Variants in ZBTB44 observed in about 807,000 individuals in gnomAD.
ZBTB44 encodes zinc finger and BTB domain-containing protein 44.
A neutral mutation model predicts 54.0 loss-of-function variants in ZBTB44; 15 were observed. That is an observed-to-expected ratio of 0.28 (90% CI 0.19 to 0.43). The LOEUF is 0.43. Ranked by LOEUF, ZBTB44 falls within the 20% of genes least tolerant of loss-of-function variation. The pLI, the probability that ZBTB44 is intolerant of heterozygous loss-of-function variation, is 1.00. For missense variants in ZBTB44, 487 were observed against 707.1 expected, an observed-to-expected ratio of 0.69 and a Z score of 3.53; for synonymous variants, 230 against 250.1, an observed-to-expected ratio of 0.92 and a Z score of 0.76.
At chr11:130,256,729 G>T (rs1019684418) in intron 2 of ZBTB44, among the ~76,000 whole-genome samples, 1 of 151,346 alleles carries the variant, frequency 6.6e-6, no homozygotes, top group Non-Finnish European at 1.5e-5. Flanking sequence ...AATAAACTAG[G>T]TATTGATGGA....
At chr11:130,288,563 C>A (rs1592040995) in intron 1 of ZBTB44, among the ~76,000 whole-genome samples, 1 of 151,906 alleles carries the variant, frequency 6.6e-6, no homozygotes, top group African/African-American at 2.4e-5. Flanking sequence ...CAGGAGAGTC[C>A]TCAGACTACA....
chr11:130,283,598 G>A (rs755149650), intron 1 of ZBTB44, among the ~76,000 whole-genome samples: 2 of 152,060 alleles, frequency 1.3e-5, no homozygotes, highest in Non-Finnish European at 2.9e-5. Context: ...ACAATTATAT[G>A]TTCAATCTCA....
In ZBTB44 at chr11:130,314,384, G is replaced by GCGGCGC. The variant is rs1449211835; in HGVS notation, c.-72_-67dup. The stretch of plus-strand genomic sequence containing the variant: ...CTCCCCTCCCCGTTACCTGCGGGCG[G>GCGGCGC]CGGCGCCGGGCCCGGAGGCCTGCTG... On this transcript the variant is annotated 5_prime_UTR_variant, in exon 1 of 8. Transcript: ENST00000357899. 12 of 153,186 alleles carry GCGGCGC rather than the reference G, an allele frequency of 7.8e-5. No homozygotes were observed. Among genetic ancestry groups the GCGGCGC allele is most frequent in the Non-Finnish European group, 1.8e-4 (12 of 68,244 alleles). The allele number at this position is 153,186 out of a possible 1,614,324, so 9.5% of individuals were successfully genotyped here.
chr11:130,311,843 C>G (rs1288166543), intron 1 of ZBTB44, among the ~76,000 whole-genome samples: 2 of 152,144 alleles, frequency 1.3e-5, no homozygotes, highest in Admixed American at 1.3e-4. Context: ...TCAGAAAGCA[C>G]TCCAAGATTA....
At chr11:130,252,395 G>A (rs1045388813) in intron 2 of ZBTB44, among the ~76,000 whole-genome samples, 1 of 152,114 alleles carries the variant, frequency 6.6e-6, no homozygotes, top group Admixed American at 6.5e-5. Flanking sequence ...AAGATATTCA[G>A]GACTTGAACT....
At chr11:130,264,293 G>A (rs962329325) in intron 1 of ZBTB44, among the ~76,000 whole-genome samples, 1 of 152,002 alleles carries the variant, frequency 6.6e-6, no homozygotes, top group African/African-American at 2.4e-5. Flanking sequence ...TTCCTGAAAG[G>A]GCCAGAAACC....
intron 1 of ZBTB44, among the ~76,000 whole-genome samples, chr11:130,298,832 GACACACACACAC>G (rs71061379): frequency 1.3e-5 from 2 of 149,674 alleles, no homozygotes; most frequent in South Asian, 4.3e-4. Context: ...CAGACACCCA[GACACACACACAC>G]ACACACACAC....
intron 5 of ZBTB44, among the ~76,000 whole-genome samples, chr11:130,234,521 A>G (rs945592411): frequency 6.6e-6 from 1 of 152,240 alleles, no homozygotes; most frequent in Non-Finnish European, 1.5e-5. Flanking sequence ...CACTTTCATT[A>G]TAACTCTGGA....
chr11:130,249,180 T>C (rs912561180), intron 2 of ZBTB44, among the ~76,000 whole-genome samples: 1 of 152,126 alleles, frequency 6.6e-6, no homozygotes, highest in African/African-American at 2.4e-5. Context: ...GATGACTATT[T>C]CACATGCCTA....
At chr11:130,308,895 A>C (rs1295551251) in intron 1 of ZBTB44, among the ~76,000 whole-genome samples, 1 of 152,216 alleles carries the variant, frequency 6.6e-6, no homozygotes, top group African/African-American at 2.4e-5. Flanking sequence ...AGTAAGGGAA[A>C]AGGAGTCAGG....
At chr11:130,243,753 A>G (rs1485815575) in intron 2 of ZBTB44, among the ~76,000 whole-genome samples, 1 of 152,198 alleles carries the variant, frequency 6.6e-6, no homozygotes, top group South Asian at 2.1e-4. Context: ...AAAATACTAA[A>G]TTCTTTTCTA....
intron 1 of ZBTB44, among the ~76,000 whole-genome samples, chr11:130,264,992 A>G (rs1017201005): frequency 1.3e-5 from 2 of 152,120 alleles, no homozygotes; most frequent in Non-Finnish European, 2.9e-5. Flanking sequence ...GTGATCAGTA[A>G]TCTTTGATGT....
Position 130,314,533 on chromosome 11 carries a change from G to C in ZBTB44, c.-215C>G, listed in dbSNP as rs1272471682. 3 of 151,280 alleles carry C rather than the reference G, an allele frequency of 2.0e-5. No homozygotes were observed. Among genetic ancestry groups the C allele is most frequent in the Non-Finnish European group, 4.4e-5 (3 of 67,708 alleles). 9.4% of individuals were successfully genotyped at this position (151,280 alleles called of 1,614,324 possible). On this transcript the variant is annotated 5_prime_UTR_variant, in exon 1 of 8. Coordinates refer to ENST00000357899, the MANE Select transcript of ZBTB44 (RefSeq NM_001301098.2). Reference sequence around the variant, plus strand: ...CGGGAGGCTCAGGGGCCCCTATCTCGGGCCGCCGCGCCTAGGCCCGTGAGC... The same window carrying C: ...CGGGAGGCTCAGGGGCCCCTATCTCCGGCCGCCGCGCCTAGGCCCGTGAGC...
chr11:130,307,960 A>C (rs197199), intron 1 of ZBTB44, among the ~76,000 whole-genome samples: 85,570 of 152,068 alleles, frequency 0.56, 27,634 homozygotes, highest in South Asian at 0.7. Context: ...TCCTGACCTT[A>C]GGTGAGCCAC....
chr11:130,296,658 T>G, intron 1 of ZBTB44: 1 of 985,974 alleles, frequency 1.0e-6, no homozygotes, highest in Non-Finnish European at 1.6e-6. Context: ...TTGGGTTTTC[T>G]TCTACTTGAA....
intron 2 of ZBTB44, among the ~76,000 whole-genome samples, chr11:130,240,108 C>G (rs1954295979): frequency 1.4e-5 from 2 of 144,754 alleles, no homozygotes; most frequent in African/African-American, 5.1e-5. Context: ...GTGGCGCGAT[C>G]TCGGCTCACT....
At chr11:130,249,232 CCTA>C (rs1300961910) in intron 2 of ZBTB44, among the ~76,000 whole-genome samples, 1 of 152,116 alleles carries the variant, frequency 6.6e-6, no homozygotes, top group Non-Finnish European at 1.5e-5. Context: ...TATTTGGGTT[CCTA>C]CTTTCTTAAA....
intron 2 of ZBTB44, among the ~76,000 whole-genome samples, chr11:130,255,303 C>A (rs1565655054): frequency 1.3e-5 from 2 of 152,156 alleles, no homozygotes; most frequent in Admixed American, 1.3e-4. Context: ...TCCTGCATGA[C>A]CACTGGGTAA....
rs374526655 is a variant in ZBTB44, at chr11:130,273,580, T to C, written c.-56-11651A>G. 2.5e-4 allele frequency among the ~76,000 whole-genome samples: 38 copies of C among 152,320 alleles called. No homozygotes were observed. In the East Asian group the frequency reaches 5.0e-3, roughly 20 times the overall value. ...CACCCACCTTGGCCTCCCAAACTGCTAGAATTACAGGCATGAGCCACTACC... is the reference window on the plus strand; with the variant it reads ...CACCCACCTTGGCCTCCCAAACTGCCAGAATTACAGGCATGAGCCACTACC... On this transcript the variant is annotated intron_variant, in intron 1 of 7. Transcript: ENST00000357899.
Sources: gnomAD v4.1 joint callset for allele counts (sites outside exome capture counted in the v4.1 genomes callset) on GRCh38, gnomAD v4.1.1 for gene constraint, MANE v1.5 for transcripts, NCBI Gene and HGNC (gene_info 2026-07-23, HGNC 2026-07-21) for gene names.